RSRP1: variants seen among roughly 807,000 people sequenced by gnomAD.
RSRP1 encodes the protein arginine/serine-rich protein 1.
A neutral mutation model predicts 33.0 loss-of-function variants in RSRP1; 37 were observed. That is an observed-to-expected ratio of 1.12 (90% CI 0.86 to 1.48). The LOEUF (loss-of-function observed/expected upper bound fraction) is 1.48. Among genes scored for constraint, RSRP1 ranks in the 40% most tolerant of loss-of-function variants. The pLI is 0.00. For synonymous variants in RSRP1, 167 were observed against 158.7 expected, an observed-to-expected ratio of 1.05 and a Z score of -0.40; for missense variants, 402 against 385.3, an observed-to-expected ratio of 1.04 and a Z score of -0.36.
rs368067027 is a variant in RSRP1 at position 25,319,111 on chromosome 1, A to C, written c.-67+18867T>G. Among the ~76,000 whole-genome samples, 5 of 132,302 alleles carry C rather than the reference A, an allele frequency of 3.8e-5. 2 individuals carry two copies. The highest frequency in any genetic ancestry group is 9.0e-5 in the Non-Finnish European group (5 of 55,810). The allele number at this position is 132,302 out of a possible 152,430, so 86.8% of individuals were successfully genotyped here. ...TGGGTATCCTGCATTTTATTTGGCAACCCTGTCCTGGGACTCACACTATTC... is the reference window on the plus strand; with the variant it reads ...TGGGTATCCTGCATTTTATTTGGCACCCCTGTCCTGGGACTCACACTATTC... On this transcript the variant is annotated intron_variant, in intron 1 of 1. Transcript: ENST00000561867.
chr1:25,315,625 T>C (rs1644399890), intron 1 of RSRP1, among the ~76,000 whole-genome samples: 1 of 125,958 alleles, frequency 7.9e-6, no homozygotes, highest in African/African-American at 2.7e-5. Flanking sequence ...GCCTCCTGAG[T>C]AGCTGGGACT....
chr1:25,334,405 A>G (rs1645053458), intron 1 of RSRP1, among the ~76,000 whole-genome samples: 2 of 132,082 alleles, frequency 1.5e-5, no homozygotes, highest in African/African-American at 5.2e-5. Context: ...TGCAGGGTAC[A>G]GCCTCCCTCT....
intron 1 of RSRP1, among the ~76,000 whole-genome samples, chr1:25,286,195 A>T (rs1276438834): frequency 1.5e-5 from 2 of 135,392 alleles, no homozygotes; most frequent in Non-Finnish European, 3.5e-5. Context: ...TTTCTTTTTT[A>T]AAAGGTTTAG....
chr1:25,308,028 G>A (rs1643943613), intron 1 of RSRP1, among the ~76,000 whole-genome samples: 1 of 26,420 alleles, frequency 3.8e-5, no homozygotes, highest in South Asian at 3.2e-3. Context: ...AACAGGCAGG[G>A]GAAGTTAGAA....
chr1:25,255,950 G>A (rs1287941479), intron 1 of RSRP1, among the ~76,000 whole-genome samples: 1 of 152,096 alleles, frequency 6.6e-6, no homozygotes, highest in Non-Finnish European at 1.5e-5. Flanking sequence ...CCTGCTGTGC[G>A]GCCTGGTTCC....
At chr1:25,270,790 C>A (rs1640476688) in intron 1 of RSRP1, among the ~76,000 whole-genome samples, 1 of 131,814 alleles carries the variant, frequency 7.6e-6, no homozygotes, top group Admixed American at 7.4e-5. Context: ...CCTAATAGTA[C>A]CCATCCCAGT....
chr1:25,297,278 A>G (rs1643034733), intron 1 of RSRP1, among the ~76,000 whole-genome samples: 1 of 93,964 alleles, frequency 1.1e-5, no homozygotes, highest in African/African-American at 3.5e-5. Flanking sequence ...GGAATTCTCC[A>G]AGAGCCGTGT....
intron 4 of RSRP1, 124 bp downstream of exon 4, chr1:25,243,426 T>C (rs1288871531): frequency 1.6e-6 from 2 of 1,247,518 alleles, no homozygotes; most frequent in African/African-American, 3.0e-5. Context: ...AAACAAATGA[T>C]TTTAATTCTA....
In RSRP1 at chr1:25,311,029, C is replaced by G. The variant is rs1644117723; in HGVS notation, c.-67+26949G>C. 1.5e-5 allele frequency among the ~76,000 whole-genome samples: 2 copies of G among 129,400 alleles called. 1 individual carries two copies. Among genetic ancestry groups the G allele is most frequent in the African/African-American group, 5.2e-5 (2 of 38,100 alleles). 84.9% of individuals were successfully genotyped at this position (129,400 alleles called of 152,430 possible). ...GAGCATTAAAGACAGTTCTGCAGTT[C>G]TGGTGAGGGCTTAAAGGAAGACCCC... On this transcript the variant is annotated intron_variant, in intron 1 of 1. Coordinates refer to the RSRP1 transcript ENST00000561867.
intron 1 of RSRP1, among the ~76,000 whole-genome samples, chr1:25,320,860 G>A (rs948433473): frequency 7.6e-6 from 1 of 130,730 alleles, no homozygotes; most frequent in African/African-American, 2.6e-5. Context: ...TGGGCAACAT[G>A]GCTAAGTCCT....
intron 1 of RSRP1, chr1:25,322,081 G>A: frequency 1.8e-6 from 1 of 558,132 alleles, no homozygotes; most frequent in South Asian, 1.6e-5. Flanking sequence ...GGAGTAAGGA[G>A]CATTGCAGGA....
rs3118454 is a variant in RSRP1, at chr1:25,301,672, G to A, written c.-67+36306C>T. ...AGGGTCATCCTTGGCTCACCCCCAA[G>A]GGAAGATCAGCAAGGTGAGCAGGGC... On this transcript the variant is annotated intron_variant, in intron 1 of 1. Transcript: ENST00000561867. The A allele has an allele frequency of 4.5e-5, 62 of 1,379,648 alleles. 8 individuals carry two copies. In the East Asian group the frequency reaches 5.8e-4, roughly 13 times the overall value. The allele number at this position is 1,379,648 out of a possible 1,614,324, so 85.5% of individuals were successfully genotyped here.
chr1:25,329,147 T>C (rs1292458090), intron 1 of RSRP1: 1 of 1,081,022 alleles, frequency 9.3e-7, no homozygotes, highest in East Asian at 2.5e-5. Flanking sequence ...AATACAGCCA[T>C]GTACCACATA....
intron 1 of RSRP1, among the ~76,000 whole-genome samples, chr1:25,261,320 T>C (rs1468180836): frequency 6.6e-6 from 1 of 152,206 alleles, no homozygotes; most frequent in Non-Finnish European, 1.5e-5. Context: ...TTACTGTCCT[T>C]ATGCATAAAT....
At chr1:25,273,930 A>G (rs1640714176) in intron 1 of RSRP1, among the ~76,000 whole-genome samples, 1 of 130,406 alleles carries the variant, frequency 7.7e-6, no homozygotes, top group African/African-American at 2.6e-5. Context: ...AAGCCCTTAT[A>G]CCATTTAAGG....
intron 1 of RSRP1, among the ~76,000 whole-genome samples, chr1:25,260,597 T>C (rs369452356): frequency 2.0e-4 from 31 of 152,322 alleles, no homozygotes; most frequent in African/African-American, 7.2e-4. Flanking sequence ...TGGGCTACCA[T>C]AACAGCAGCT....
chr1:25,329,033 T>C, intron 1 of RSRP1: 1 of 1,378,100 alleles, frequency 7.3e-7, no homozygotes, highest in South Asian at 1.2e-5. Flanking sequence ...GTCTCCAATG[T>C]TCGCGCAGGC....
intron 1 of RSRP1, among the ~76,000 whole-genome samples, chr1:25,317,873 G>C (rs1644491268): frequency 9.2e-6 from 1 of 109,004 alleles, no homozygotes; most frequent in African/African-American, 3.1e-5. Flanking sequence ...AGGGGTTGAG[G>C]GCAGAATGGT....
chr1:25,294,617 G>C, intron 1 of RSRP1: 3 of 1,018,988 alleles, frequency 2.9e-6, no homozygotes, highest in South Asian at 1.3e-5. Flanking sequence ...CACCGCAAAC[G>C]GCACTCAGCC....
Sources: allele counts gnomAD v4.1 joint callset (sites outside exome capture counted in the v4.1 genomes callset), GRCh38; gene constraint gnomAD v4.1.1; transcripts MANE v1.5; gene names NCBI Gene and HGNC (gene_info 2026-07-23, HGNC 2026-07-21).